KRT80: variants seen among roughly 807,000 people sequenced by gnomAD.
KRT80 encodes keratin 80.
In KRT80, 36 loss-of-function variants were observed where a neutral mutation model predicts 51.5. The ratio of observed to expected loss-of-function variants is 0.70; its 90% CI spans 0.54 to 0.92. The LOEUF (loss-of-function observed/expected upper bound fraction) is 0.92. KRT80 is among the 40% of genes least tolerant of loss of function. The pLI, the probability that KRT80 is intolerant of heterozygous loss-of-function variation, is 0.00. For missense variants in KRT80, 566 were observed against 591.7 expected, an observed-to-expected ratio of 0.96 and a Z score of 0.45; for synonymous variants, 235 against 248.3, an observed-to-expected ratio of 0.95 and a Z score of 0.50.
rs958632329 is a variant in KRT80 at position 52,169,635 on chromosome 12, A to G, written c.*1763T>C. ...GCTGGAGTATGTGTTATCTTTCCAG[A>G]TAGTACATACAGACTGATCATGCAG... On this transcript the variant is annotated 3_prime_UTR_variant, in exon 9 of 9. Coordinates refer to ENST00000394815, the MANE Select transcript of KRT80 (RefSeq NM_182507.3). 3 of 152,692 alleles carry G rather than the reference A, an allele frequency of 2.0e-5. No individual in the cohort carries two copies. Among genetic ancestry groups the G allele is most frequent in the Non-Finnish European group, 4.4e-5 (3 of 68,050 alleles). The allele number at this position is 152,692 out of a possible 1,614,324, so 9.5% of individuals were successfully genotyped here. A position where few individuals can be genotyped will look rare whatever the true frequency, so the allele number is the denominator to read the frequency against.
rs1941046285 is a variant in KRT80, at chr12:52,169,324, T to C, written c.*2074A>G. The C allele has an allele frequency of 6.6e-6, 1 of 152,226 alleles. No homozygotes were observed. Among genetic ancestry groups the C allele is most frequent in the Admixed American group, 6.5e-5 (1 of 15,280 alleles). 9.4% of individuals were successfully genotyped at this position (152,226 alleles called of 1,614,324 possible). A position where few individuals can be genotyped will look rare whatever the true frequency, so the allele number is the denominator to read the frequency against. ...TGGGAATTACATTTCAACATGAGAT[T>C]TGGAGGGGACGAGCATCCAAACCAT... On this transcript the variant is annotated 3_prime_UTR_variant, in exon 9 of 9. Coordinates refer to ENST00000394815, the MANE Select transcript of KRT80 (RefSeq NM_182507.3).
intron 1 of KRT80, 95 bp downstream of exon 1, chr12:52,191,507 TG>T: frequency 8.1e-7 from 1 of 1,236,082 alleles, no homozygotes; most frequent in Non-Finnish European, 1.1e-6. Flanking sequence ...GGTGCAGGGG[TG>T]GGGCGCGGTG....
chr12:52,173,487 T>C (rs1456471075), intron 5 of KRT80, 113 bp downstream of exon 5: 3 of 605,556 alleles, frequency 5.0e-6, no homozygotes, highest in South Asian at 1.6e-5. Flanking sequence ...TCCTCTCTCA[T>C]AGACTTTCAG....
chr12:52,188,513 G>A (rs1185568721), intron 1 of KRT80, among the ~76,000 whole-genome samples: 2 of 152,226 alleles, frequency 1.3e-5, no homozygotes, highest in Non-Finnish European at 2.9e-5. Context: ...TCCTTAGCGG[G>A]GGCTGTTGAA....
chr12:52,175,523 C>G (rs895586563), intron 4 of KRT80, among the ~76,000 whole-genome samples: 5 of 152,036 alleles, frequency 3.3e-5, no homozygotes, highest in Admixed American at 6.6e-5. Context: ...GGCTGGACTT[C>G]TGAGCTGTAG....
At chr12:52,180,823 A>C (rs150405097) in intron 3 of KRT80, 80 bp downstream of exon 3, 1 of 1,607,246 alleles carries the variant, frequency 6.2e-7, no homozygotes, top group East Asian at 2.2e-5. Flanking sequence ...ATTGGGCATA[A>C]AGGAGAGTAG....
intron 2 of KRT80, among the ~76,000 whole-genome samples, chr12:52,181,286 A>G (rs935034565): frequency 1.3e-5 from 2 of 151,802 alleles, no homozygotes; most frequent in African/African-American, 4.8e-5. Flanking sequence ...TCACCCTGGC[A>G]CTTTATCCCC....
In KRT80 at chr12:52,179,032, C is replaced by T. The variant is rs148851933; in HGVS notation, c.666+1481G>A. Among the ~76,000 whole-genome samples, 1,260 of 152,344 alleles carry T rather than the reference C, an allele frequency of 8.3e-3. 9 individuals carry two copies. The highest frequency in any genetic ancestry group is 0.014 in the Non-Finnish European group (926 of 68,034). ...CAGCCTTCTTCCAGTTATGTCTCTA[C>T]AGCTGCAGGGCCTGCATCATGGCTT... On this transcript the variant is annotated intron_variant, in intron 4 of 8. Transcript: ENST00000394815.
chr12:52,171,749 T>C, intron 7 of KRT80, 36 bp from the exon 8 acceptor site: 1 of 1,329,058 alleles, frequency 7.5e-7, no homozygotes, highest in Non-Finnish European at 1.1e-6. Flanking sequence ...GAGAGGGATA[T>C]GATGGGATGC....
At chr12:52,191,234 C>T (rs141655330) in intron 1 of KRT80, among the ~76,000 whole-genome samples, 25 of 152,272 alleles carry the variant, frequency 1.6e-4, no homozygotes, top group Non-Finnish European at 3.2e-4. Flanking sequence ...TGTCCACTTG[C>T]CTCAGAGTAG....
chr12:52,171,949 G>C (rs1355833303), intron 7 of KRT80, among the ~76,000 whole-genome samples: 9 of 152,134 alleles, frequency 5.9e-5, no homozygotes, highest in Admixed American at 5.9e-4. Flanking sequence ...ACAGGCATTT[G>C]CAGGCATAAT....
chr12:52,171,214 C>T lies in KRT80; in HGVS notation c.*184G>A. 1 of 615,304 alleles carries T rather than the reference C, an allele frequency of 1.6e-6. No homozygotes were observed. The highest frequency in any genetic ancestry group is 2.8e-6 in the Non-Finnish European group (1 of 353,068). 38.1% of individuals were successfully genotyped at this position (615,304 alleles called of 1,614,324 possible). A position where few individuals can be genotyped will look rare whatever the true frequency, so the allele number is the denominator to read the frequency against. ...TATGGAGCGGAGTGGCTCTGAGGAG[C>T]TGGTGATGCTCCTCTCCCACCCTGG... is the stretch of plus-strand genomic sequence containing the variant. On this transcript the variant is annotated 3_prime_UTR_variant, in exon 9 of 9. Coordinates refer to ENST00000394815, the MANE Select transcript of KRT80 (RefSeq NM_182507.3).
At chr12:52,184,739 A>G (rs1034748189) in intron 2 of KRT80, among the ~76,000 whole-genome samples, 11 of 152,198 alleles carry the variant, frequency 7.2e-5, no homozygotes, top group Non-Finnish European at 1.2e-4. Flanking sequence ...ATGCTGGGAT[A>G]TACTGCCCAG....
rs372450862 is a variant in KRT80, at chr12:52,171,542, T to C, written c.1235-20A>G. ...AGGCAGCTACAGGGAACATAAGGGG[T>C]AGGGGAGGGAAGGGGCTGGAGGTTT... On this transcript the variant is annotated intron_variant, in intron 8 of 8. Coordinates refer to ENST00000394815, the MANE Select transcript of KRT80 (RefSeq NM_182507.3). 15 of 1,613,306 alleles carry C rather than the reference T, an allele frequency of 9.3e-6. No individual in the cohort carries two copies. The highest frequency in any genetic ancestry group is 1.3e-5 in the African/African-American group (1 of 74,804).
At chr12:52,177,175 C>G (rs952382504) in intron 4 of KRT80, among the ~76,000 whole-genome samples, 2 of 152,190 alleles carry the variant, frequency 1.3e-5, no homozygotes, top group Admixed American at 6.5e-5. Flanking sequence ...AAACACTTAG[C>G]ACAGTGTCTG....
intron 4 of KRT80, among the ~76,000 whole-genome samples, chr12:52,177,450 T>C (rs915342708): frequency 6.6e-6 from 1 of 152,080 alleles, no homozygotes; most frequent in Non-Finnish European, 1.5e-5. Flanking sequence ...GCATTCCGAC[T>C]GGATGCAGCC....
chr12:52,180,602 C>T lies in KRT80; in HGVS notation c.577G>A (p.Asp193Asn), dbSNP rs1227609558. The T allele has an allele frequency of 2.0e-6, 3 of 1,508,732 alleles. No homozygotes were observed. Among genetic ancestry groups the T allele is most frequent in the Middle Eastern group, 3.6e-4 (2 of 5,550 alleles). 93.5% of individuals were successfully genotyped at this position (1,508,732 alleles called of 1,614,324 possible). ...TCAGTCCGATGAAGACACTCTGCAT[C>T]CAGGTCCTGGGGTTGGCAGCAGTGG... is the stretch of plus-strand genomic sequence containing the variant. ...FTFVQLKKDL[D>N]AECLHRTELE... Residue 193 changes from aspartate (D) to asparagine (N), a missense_variant, in exon 4 of 9, where the codon GAT becomes AAT. Asp to Asn is a conservative substitution (Grantham distance 23, BLOSUM62 1). Transcript: ENST00000394815.
chr12:52,182,391 G>GTGTGCTGA (rs1234769851), intron 2 of KRT80, among the ~76,000 whole-genome samples: 3 of 152,192 alleles, frequency 2.0e-5, no homozygotes, highest in Non-Finnish European at 4.4e-5. Context: ...GGCTCCTGGA[G>GTGTGCTGA]TGTGCTGATG....
chr12:52,170,184 C>G lies in KRT80; in HGVS notation c.*1214G>C, dbSNP rs575836417. 1.3e-5 allele frequency: 2 copies of G among 152,612 alleles called. No individual in the cohort carries two copies. Among genetic ancestry groups the G allele is most frequent in the African/African-American group, 2.4e-5 (1 of 41,570 alleles). 9.5% of individuals were successfully genotyped at this position (152,612 alleles called of 1,614,324 possible). ...CCCTTGTAAGGCTGTCATTTGGGCC[C>G]CACAGCTGGACCTCAAGGGCTTGGA... On this transcript the variant is annotated 3_prime_UTR_variant, in exon 9 of 9. Transcript: ENST00000394815.
Sources: gnomAD v4.1 joint callset for allele counts (sites outside exome capture counted in the v4.1 genomes callset) on GRCh38, gnomAD v4.1.1 for gene constraint, MANE v1.5 for transcripts, NCBI Gene and HGNC (gene_info 2026-07-23, HGNC 2026-07-21) for gene names.